Variants in ATR observed in about 807,000 individuals in gnomAD.
The protein encoded by ATR is ATR checkpoint kinase, also known as serine/threonine-protein kinase ATR.
A neutral mutation model predicts 305.3 loss-of-function variants in ATR; 142 were observed. The observed-to-expected ratio is 0.47, with a 90% CI of 0.41 to 0.53. The LOEUF (loss-of-function observed/expected upper bound fraction) is 0.53. Ranked by LOEUF, ATR falls within the 20% of genes least tolerant of loss-of-function variation. The pLI, the probability that ATR is intolerant of heterozygous loss-of-function variation, is 0.00. For synonymous variants in ATR, 1,050 were observed against 1,068.1 expected, an observed-to-expected ratio of 0.98 and a Z score of 0.33; for missense variants, 2,135 against 3,133.1, an observed-to-expected ratio of 0.68 and a Z score of 7.60.
rs778086212 is a variant in ATR at position 142,578,632 on chromosome 3, G to A, written c.59+14C>T. On this transcript the variant is annotated intron_variant, in intron 1 of 46. Transcript: ENST00000350721. ...CGGAGGAGGATGCAGGACCCAGGCT[G>A]GGCCTAGCCCTACCTGCCCAGCTCC... The A allele has an allele frequency of 1.2e-6, 2 of 1,610,620 alleles. No homozygotes were observed. The highest frequency in any genetic ancestry group is 8.5e-7 in the Non-Finnish European group (1 of 1,178,616).
chr3:142,487,258 T>C (rs887813371), intron 35 of ATR, among the ~76,000 whole-genome samples: 11 of 152,112 alleles, frequency 7.2e-5, no homozygotes, highest in African/African-American at 2.7e-4. Context: ...CTCCTCAGCC[T>C]ACGGAGCAGC....
chr3:142,456,041 C>T (rs928032079), intron 45 of ATR, among the ~76,000 whole-genome samples: 3 of 152,096 alleles, frequency 2.0e-5, no homozygotes, highest in Admixed American at 6.5e-5. Flanking sequence ...CTTGGCTGGG[C>T]GGGGTGGCTC....
At chr3:142,458,878 G>GT (rs2070964906) in intron 44 of ATR, 80 bp downstream of exon 44, 1 of 1,479,162 alleles carries the variant, frequency 6.8e-7, no homozygotes. Context: ...CTACTAACAG[G>GT]TATGTCAAGG....
In ATR at chr3:142,459,161, T is replaced by C. The variant is rs144901974; in HGVS notation, c.7350-50A>G. On this transcript the variant is annotated intron_variant, in intron 43 of 46. Transcript: ENST00000350721. ...AATATCCATATACATATGAGGCCAA[T>C]ATAAATCTAAAATATTAAAAATAAA... 502 of 1,612,342 alleles carry C rather than the reference T, an allele frequency of 3.1e-4. 4 individuals are homozygous for C. In the East Asian group the frequency reaches 9.5e-3, roughly 31 times the overall value.
rs747740027 is a variant in ATR at position 142,513,486 on chromosome 3, GA to G, written c.4641+14del. On this transcript the variant is annotated intron_variant, in intron 26 of 46. Coordinates refer to ENST00000350721, the MANE Select transcript of ATR (RefSeq NM_001184.4). ...TTTCACATGTTCAAAAACCAAGTAA[GA>G]TGATTTATCTCACCTCCTGCTGATC... 1 of 1,612,792 alleles carries G rather than the reference GA, an allele frequency of 6.2e-7. No individual in the cohort carries two copies. The highest frequency in any genetic ancestry group is 1.1e-5 in the South Asian group (1 of 91,034).
chr3:142,559,354 C>T lies in ATR; in HGVS notation c.1629G>A (p.Val543=), dbSNP rs2034796700. 1 of 1,613,766 alleles carries T rather than the reference C, an allele frequency of 6.2e-7. No individual in the cohort carries two copies. Among genetic ancestry groups the T allele is most frequent in the Non-Finnish European group, 8.5e-7 (1 of 1,179,850 alleles). ...TWMSLDFYTK[V]LKSCRSLLES... Reference sequence around the variant, plus strand: ...CTAACAAACTTCTACAGCTCTTAAGCACTTTTGTGTAAAAATCCAATGACA... The same window carrying T: ...CTAACAAACTTCTACAGCTCTTAAGTACTTTTGTGTAAAAATCCAATGACA... Residue 543 remains valine, a synonymous_variant, in exon 7 of 47, where the codon GTG becomes GTA. Transcript: ENST00000350721.
intron 21 of ATR, among the ~76,000 whole-genome samples, chr3:142,530,589 A>C (rs2033600839): frequency 6.6e-6 from 1 of 152,178 alleles, no homozygotes; most frequent in Admixed American, 6.5e-5. Context: ...TATCCACGTC[A>C]GCATAGTGAA....
intron 24 of ATR, among the ~76,000 whole-genome samples, chr3:142,519,463 G>A (rs953344806): frequency 3.3e-5 from 5 of 151,956 alleles, no homozygotes; most frequent in Admixed American, 6.6e-5. Flanking sequence ...CACCACGCCC[G>A]GCTAATTTTT....
chr3:142,465,892 G>C (rs1265494970), intron 40 of ATR: 1 of 187,124 alleles, frequency 5.3e-6, no homozygotes, highest in African/African-American at 2.4e-5. Flanking sequence ...TGTAGTCCCA[G>C]CTACTCAGGA....
chr3:142,452,582 G>T, intron 46 of ATR: 2 of 684,184 alleles, frequency 2.9e-6, no homozygotes, highest in Non-Finnish European at 3.6e-6. Flanking sequence ...GCTAAGGCAG[G>T]AGAACTGCTT....
rs761581509 is a variant in ATR at position 142,485,123 on chromosome 3, G to A, written c.6221+17C>T. 4.8e-5 allele frequency: 77 copies of A among 1,613,714 alleles called. No homozygotes were observed. The highest frequency in any genetic ancestry group is 6.0e-5 in the Non-Finnish European group (71 of 1,179,650). Reference sequence around the variant, plus strand: ...CCTTACATATTTAATCTGCAAACATGCAGTTCTCATACTCACCTGCCAAAA... The same window carrying A: ...CCTTACATATTTAATCTGCAAACATACAGTTCTCATACTCACCTGCCAAAA... On this transcript the variant is annotated intron_variant, in intron 36 of 46. Transcript: ENST00000350721.
intron 35 of ATR, among the ~76,000 whole-genome samples, chr3:142,491,134 C>T (rs557274700): frequency 2.2e-4 from 33 of 152,200 alleles, no homozygotes; most frequent in African/African-American, 7.5e-4. Flanking sequence ...AATTAGCAGT[C>T]ACTTCCCAGC....
intron 29 of ATR, among the ~76,000 whole-genome samples, chr3:142,503,896 A>G (rs1486429167): frequency 1.3e-5 from 2 of 152,352 alleles, no homozygotes; most frequent in African/African-American, 2.4e-5. Context: ...AAAGTATCTA[A>G]TATCTTTGAT....
chr3:142,512,240 A>G lies in ATR; in HGVS notation c.4852+20T>C. ...ATAGCTAAAAAAAAAAAAAAAAAAG[A>G]AACAGAAGTGATAACTCACCCATTG... On this transcript the variant is annotated intron_variant, in intron 27 of 46. Transcript: ENST00000350721. 2 of 1,561,794 alleles carry G rather than the reference A, an allele frequency of 1.3e-6. No homozygotes were observed. Among genetic ancestry groups the G allele is most frequent in the Non-Finnish European group, 1.8e-6 (2 of 1,142,818 alleles).
In ATR at chr3:142,501,995, C is replaced by T. The variant is rs558365382; in HGVS notation, c.5288+1367G>A. Among the ~76,000 whole-genome samples the T allele has an allele frequency of 9.2e-5, 14 of 152,258 alleles. No individual in the cohort carries two copies. The South Asian group carries it at 2.7e-3, about 29-fold the overall frequency. On this transcript the variant is annotated intron_variant, in intron 30 of 46. Transcript: ENST00000350721. ...CTACTGGCCTCAAATGATACACCCG[C>T]CTTGGCCTCCCAGAGTGCTGCAATT...
chr3:142,543,392 G>A lies in ATR; in HGVS notation c.3358-635C>T, dbSNP rs543508907. Among the ~76,000 whole-genome samples, 467 of 116,870 alleles carry A rather than the reference G, an allele frequency of 4.0e-3. 1 individual carries two copies. Among genetic ancestry groups the A allele is most frequent in the African/African-American group, 0.014 (423 of 29,784 alleles). The allele number at this position is 116,870 out of a possible 152,430, so 76.7% of individuals were successfully genotyped here. On this transcript the variant is annotated intron_variant, in intron 16 of 46. Coordinates refer to ENST00000350721, the MANE Select transcript of ATR (RefSeq NM_001184.4). ...CGTCCCTCTTTTCCTCCCTCCCTCC[G>A]TCCATCCCTTCTTCCTCCCTCCTTT...
At chr3:142,465,390 A>G in intron 40 of ATR, 150 bp from the exon 41 acceptor site, 1 of 573,258 alleles carries the variant, frequency 1.7e-6, no homozygotes, top group South Asian at 3.1e-5. Flanking sequence ...CTTTTATTTT[A>G]ATTATCTATG....
chr3:142,519,628 A>T (rs749990398), intron 24 of ATR, 41 bp downstream of exon 24: 77 of 1,530,312 alleles, frequency 5.0e-5, no homozygotes, highest in Non-Finnish European at 6.4e-5. Context: ...TTATATAATT[A>T]AAAACAATTT....
chr3:142,541,523 A>T (rs2034051923), intron 17 of ATR, among the ~76,000 whole-genome samples: 1 of 152,232 alleles, frequency 6.6e-6, no homozygotes, highest in Admixed American at 6.5e-5. Context: ...TGAATTTAGT[A>T]AAACAAATAA....
Sources: gnomAD v4.1 joint callset for allele counts (sites outside exome capture counted in the v4.1 genomes callset) on GRCh38, gnomAD v4.1.1 for gene constraint, MANE v1.5 for transcripts, NCBI Gene and HGNC (gene_info 2026-07-23, HGNC 2026-07-21) for gene names.